The following SLC25A21 variants were observed in gnomAD, a reference collection of about 807,000 sequenced individuals.
SLC25A21 encodes the protein solute carrier family 25 member 21.
SLC25A21 carries 47 observed loss-of-function variants against 43.8 expected under a neutral mutation model. The ratio of observed to expected loss-of-function variants is 1.07; its 90% confidence interval spans 0.85 to 1.37. The LOEUF (loss-of-function observed/expected upper bound fraction) is 1.37. SLC25A21 is among the 40% of genes most tolerant of loss of function. The pLI is 0.00. For missense variants in SLC25A21, 352 were observed against 350.2 expected, an observed-to-expected ratio of 1.00 and a Z score of -0.04; for synonymous variants, 131 against 121.3, an observed-to-expected ratio of 1.08 and a Z score of -0.52.
intron 1 of SLC25A21, among the ~76,000 whole-genome samples, chr14:36,965,991 C>T (rs1030446055): frequency 2.0e-5 from 3 of 151,912 alleles, no homozygotes; most frequent in Non-Finnish European, 2.9e-5. Context: ...TCTCATGTAC[C>T]CCATAAATAT....
intron 7 of SLC25A21, among the ~76,000 whole-genome samples, chr14:36,704,929 C>T (rs1883443404): frequency 6.6e-6 from 1 of 152,226 alleles, no homozygotes; most frequent in South Asian, 2.1e-4. Context: ...GCATAAAGTG[C>T]CACAGAAAGT....
intron 1 of SLC25A21, among the ~76,000 whole-genome samples, chr14:36,887,438 C>T (rs1890950797): frequency 6.6e-6 from 1 of 151,840 alleles, no homozygotes; most frequent in Non-Finnish European, 1.5e-5. Flanking sequence ...TGGTGCACAC[C>T]TGTAATCCTA....
At position 36,893,396 on chromosome 14, in the gene SLC25A21, G is replaced by GTTTGT. The variant is rs538777752; in HGVS notation, c.71-18393_71-18392insACAAA. On this transcript the variant is annotated intron_variant, in intron 1 of 9. Transcript: ENST00000331299. ...CCTTCACCCACTTTTTGATGGGGTT[G>GTTTGT]TTTTTCTTGTAAATTTGTTTGAGTT... Among the ~76,000 whole-genome samples the GTTTGT allele has an allele frequency of 3.2e-3, 487 of 151,136 alleles. 4 individuals are homozygous for GTTTGT. The highest frequency in any genetic ancestry group is 0.011 in the African/African-American group (457 of 41,376).
intron 1 of SLC25A21, among the ~76,000 whole-genome samples, chr14:37,168,297 A>T (rs914292474): frequency 1.3e-5 from 2 of 152,060 alleles, no homozygotes; most frequent in African/African-American, 4.8e-5. Flanking sequence ...CTCTCACCTG[A>T]ATCTTTAAAT....
chr14:36,994,328 T>C (rs1470011452), intron 1 of SLC25A21, among the ~76,000 whole-genome samples: 2 of 152,134 alleles, frequency 1.3e-5, no homozygotes, highest in African/African-American at 4.8e-5. Flanking sequence ...ACAAAAGGTA[T>C]AGAAAAAGGG....
chr14:37,046,010 T>G (rs750527974), intron 1 of SLC25A21, among the ~76,000 whole-genome samples: 13 of 152,242 alleles, frequency 8.5e-5, no homozygotes, highest in Non-Finnish European at 1.9e-4. Flanking sequence ...GTGTTTTACA[T>G]AAGTTAACTT....
At chr14:36,719,071 T>G (rs554739372) in intron 6 of SLC25A21, among the ~76,000 whole-genome samples, 18 of 152,306 alleles carry the variant, frequency 1.2e-4, no homozygotes, top group African/African-American at 4.3e-4. Context: ...CATAACCCTT[T>G]AGCCAAATAA....
chr14:36,693,977 T>C (rs1259568337), intron 7 of SLC25A21, among the ~76,000 whole-genome samples: 1 of 152,172 alleles, frequency 6.6e-6, no homozygotes, highest in African/African-American at 2.4e-5. Context: ...GTTTGATACA[T>C]AGGTATACAT....
intron 3 of SLC25A21, among the ~76,000 whole-genome samples, chr14:36,801,657 T>G (rs2138420929): frequency 6.6e-6 from 1 of 152,356 alleles, no homozygotes; most frequent in Admixed American, 6.5e-5. Flanking sequence ...CAAGCTACTC[T>G]GTGGTGTCTG....
chr14:36,911,408 C>A (rs1208896434), intron 1 of SLC25A21, among the ~76,000 whole-genome samples: 1 of 152,156 alleles, frequency 6.6e-6, no homozygotes, highest in African/African-American at 2.4e-5. Flanking sequence ...CTGGGGCAGA[C>A]TGTTATTTTG....
chr14:36,771,320 G>C (rs712328), intron 3 of SLC25A21, among the ~76,000 whole-genome samples: 1 of 151,896 alleles, frequency 6.6e-6, no homozygotes, highest in Admixed American at 6.6e-5. Flanking sequence ...TGATTTAATC[G>C]TATTTTTGCA....
chr14:36,941,016 A>G (rs1892542952), intron 1 of SLC25A21, among the ~76,000 whole-genome samples: 1 of 152,108 alleles, frequency 6.6e-6, no homozygotes, highest in African/African-American at 2.4e-5. Context: ...CTACAGATTA[A>G]AAGAAACCAT....
chr14:37,142,596 A>G (rs1017030477), intron 1 of SLC25A21, among the ~76,000 whole-genome samples: 1 of 152,206 alleles, frequency 6.6e-6, no homozygotes, highest in African/African-American at 2.4e-5. Context: ...TCCTGGGCTC[A>G]AGCAATCCTC....
intron 1 of SLC25A21, among the ~76,000 whole-genome samples, chr14:36,992,670 A>T (rs1312373266): frequency 6.6e-6 from 1 of 152,150 alleles, no homozygotes; most frequent in Non-Finnish European, 1.5e-5. Flanking sequence ...GTATGAGAAA[A>T]TCATAACTTT....
At chr14:36,771,143 C>T (rs758925848) in intron 3 of SLC25A21, among the ~76,000 whole-genome samples, 1 of 152,136 alleles carries the variant, frequency 6.6e-6, no homozygotes, top group Non-Finnish European at 1.5e-5. Context: ...TCTGACAGCC[C>T]ATCTGGTCTT....
intron 3 of SLC25A21, among the ~76,000 whole-genome samples, chr14:36,734,926 T>A (rs1983672): frequency 3.3e-5 from 5 of 151,898 alleles, no homozygotes; most frequent in Non-Finnish European, 5.9e-5. Context: ...ATTTCCTCCC[T>A]TGTGGCAACC....
chr14:37,162,169 C>T (rs1341146367), intron 1 of SLC25A21, among the ~76,000 whole-genome samples: 10 of 151,932 alleles, frequency 6.6e-5, no homozygotes, highest in African/African-American at 1.2e-4. Context: ...CCAACCCTGC[C>T]GACGAAAGAA....
At chr14:36,893,549 T>C (rs1375100151) in intron 1 of SLC25A21, among the ~76,000 whole-genome samples, 3 of 152,222 alleles carry the variant, frequency 2.0e-5, no homozygotes, top group Non-Finnish European at 4.4e-5. Context: ...TTAGTTTAAT[T>C]AGATCCCATT....
intron 1 of SLC25A21, among the ~76,000 whole-genome samples, chr14:36,984,915 T>TCC (rs1201400556): frequency 1.3e-5 from 2 of 151,314 alleles, no homozygotes; most frequent in Non-Finnish European, 2.9e-5. Flanking sequence ...AGCAAAGACT[T>TCC]GGAACCAACC....
Sources: gnomAD v4.1 joint callset for allele counts (sites outside exome capture counted in the v4.1 genomes callset) on GRCh38, gnomAD v4.1.1 for gene constraint, MANE v1.5 for transcripts, NCBI Gene and HGNC (gene_info 2026-07-23, HGNC 2026-07-21) for gene names.